Variants in NTM observed in about 807,000 individuals in gnomAD.
NTM encodes neurotrimin.
NTM carries 13 observed loss-of-function variants against 42.1 expected under a neutral mutation model. The observed-to-expected ratio is 0.31, with a 90% CI of 0.20 to 0.49. The LOEUF (loss-of-function observed/expected upper bound fraction) is 0.49, where lower values mean the gene tolerates loss of function less well. Ranked by LOEUF, NTM falls within the 20% of genes least tolerant of loss-of-function variation. The probability of loss-of-function intolerance (pLI) is 0.99; values close to 1 mark genes in which losing one functional copy is unlikely to be tolerated. For synonymous variants in NTM, 187 were observed against 179.2 expected (o/e 1.04, Z -0.35); for missense variants, 373 against 452.8 (o/e 0.82, Z 1.60).
intron 1 of NTM, among the ~76,000 whole-genome samples, chr11:131,552,225 A>C (rs533002690): frequency 1.3e-5 from 2 of 152,324 alleles, no homozygotes; most frequent in South Asian, 4.1e-4. Context: ...AACCCTGCCA[A>C]CATCGAGTGT....
intron 1 of NTM, among the ~76,000 whole-genome samples, chr11:131,514,918 G>T (rs1378338285): frequency 6.6e-6 from 1 of 151,720 alleles, no homozygotes; most frequent in Non-Finnish European, 1.5e-5. Flanking sequence ...CACATAAAGA[G>T]AGAGGGAGAG....
intron 1 of NTM, among the ~76,000 whole-genome samples, chr11:131,518,736 C>T (rs1486913386): frequency 3.9e-5 from 6 of 152,174 alleles, no homozygotes; most frequent in Non-Finnish European, 7.3e-5. Context: ...CCTGCTTTCT[C>T]TATTTTTGTA....
intron 2 of NTM, among the ~76,000 whole-genome samples, chr11:132,055,410 A>G (rs886978423): frequency 1.3e-5 from 2 of 152,164 alleles, no homozygotes; most frequent in Non-Finnish European, 2.9e-5. Flanking sequence ...GCATACTCAA[A>G]TAGTATGAGC....
At chr11:131,650,212 T>A (rs1376928129) in intron 1 of NTM, among the ~76,000 whole-genome samples, 1 of 152,204 alleles carries the variant, frequency 6.6e-6, no homozygotes, top group African/African-American at 2.4e-5. Flanking sequence ...TGCAAGCAAA[T>A]GTTCTTTCTT....
chr11:131,408,976 T>A (rs1174925063), intron 1 of NTM, among the ~76,000 whole-genome samples: 1 of 152,192 alleles, frequency 6.6e-6, no homozygotes, highest in East Asian at 1.9e-4. Flanking sequence ...TCAGGTAGCA[T>A]GTGGCAAGTA....
At chr11:132,267,958 TAGAA>T (rs1419672672) in intron 4 of NTM, among the ~76,000 whole-genome samples, 1 of 151,904 alleles carries the variant, frequency 6.6e-6, no homozygotes, top group Non-Finnish European at 1.5e-5. Flanking sequence ...AATAAACTAA[TAGAA>T]AGAAATGATA....
chr11:131,605,092 G>T (rs1406072667), intron 1 of NTM, among the ~76,000 whole-genome samples: 1 of 149,168 alleles, frequency 6.7e-6, no homozygotes. Context: ...GTCAATTTCT[G>T]CAAAAAAAAA....
At chr11:132,109,825 A>C (rs902546565) in intron 2 of NTM, among the ~76,000 whole-genome samples, 3 of 152,116 alleles carry the variant, frequency 2.0e-5, no homozygotes, top group Non-Finnish European at 4.4e-5. Flanking sequence ...CCCAAAGTCC[A>C]TTGTATCATT....
At chr11:132,128,521 C>A (rs559228289) in intron 2 of NTM, among the ~76,000 whole-genome samples, 2 of 152,016 alleles carry the variant, frequency 1.3e-5, no homozygotes, top group African/African-American at 4.8e-5. Context: ...CTCCTTCATG[C>A]AGAAACAGGA....
intron 1 of NTM, among the ~76,000 whole-genome samples, chr11:131,608,915 A>T (rs1159126288): frequency 1.3e-5 from 2 of 152,176 alleles, no homozygotes; most frequent in Non-Finnish European, 2.9e-5. Flanking sequence ...TGGAAGCTCG[A>T]CCCTATAGGC....
intron 1 of NTM, among the ~76,000 whole-genome samples, chr11:131,469,223 A>G (rs1187925981): frequency 6.6e-6 from 1 of 152,184 alleles, no homozygotes; most frequent in African/African-American, 2.4e-5. Context: ...GGCTCTGTGA[A>G]TGCTTCTGTA....
intron 2 of NTM, among the ~76,000 whole-genome samples, chr11:131,952,547 G>T (rs548547434): frequency 1.3e-5 from 2 of 152,238 alleles, no homozygotes; most frequent in East Asian, 1.9e-4. Flanking sequence ...AGTGGCCTCA[G>T]ATTTTTTCTG....
intron 4 of NTM, among the ~76,000 whole-genome samples, chr11:132,260,904 C>T (rs2092808000): frequency 6.6e-6 from 1 of 152,172 alleles, no homozygotes; most frequent in Non-Finnish European, 1.5e-5. Context: ...CTTGTTTTCT[C>T]CTGAGCACCA....
chr11:131,801,219 A>G (rs1449966943), intron 1 of NTM, among the ~76,000 whole-genome samples: 1 of 152,190 alleles, frequency 6.6e-6, no homozygotes, highest in Non-Finnish European at 1.5e-5. Flanking sequence ...CTGAAGTTCA[A>G]ATTTTAAATG....
At chr11:131,639,504 C>T (rs546156970) in intron 1 of NTM, among the ~76,000 whole-genome samples, 1 of 152,316 alleles carries the variant, frequency 6.6e-6, no homozygotes, top group South Asian at 2.1e-4. Context: ...CCTCGTAGGT[C>T]AGATATAGTT....
intron 1 of NTM, among the ~76,000 whole-genome samples, chr11:131,831,145 G>A (rs2136536654): frequency 6.6e-6 from 1 of 152,088 alleles, no homozygotes; most frequent in East Asian, 1.9e-4. Flanking sequence ...TTTCCTATTT[G>A]GATGCCTTTT....
rs552815845 is a variant in NTM, at chr11:131,588,178, A to G, written c.82+217290A>G. On this transcript the variant is annotated intron_variant, in intron 1 of 8. Transcript: ENST00000683400. Reference sequence around the variant, plus strand: ...TAGCAAATAAAAGGGTTAAGACACAATGAGAGATCTGCTGCAAGCTCACTC... The same window carrying G: ...TAGCAAATAAAAGGGTTAAGACACAGTGAGAGATCTGCTGCAAGCTCACTC... Among the ~76,000 whole-genome samples the G allele has an allele frequency of 2.0e-4, 31 of 152,350 alleles. No homozygotes were observed. In the East Asian group the frequency reaches 5.6e-3, roughly 27 times the overall value.
chr11:132,106,051 T>TA (rs1422087474), intron 2 of NTM, among the ~76,000 whole-genome samples: 34 of 152,192 alleles, frequency 2.2e-4, no homozygotes, highest in African/African-American at 7.7e-4. Flanking sequence ...CCAGGGTGGA[T>TA]ATTGGTCTGT....
At chr11:131,375,471 C>T (rs779969307) in intron 1 of NTM, among the ~76,000 whole-genome samples, 1 of 152,158 alleles carries the variant, frequency 6.6e-6, no homozygotes, top group Non-Finnish European at 1.5e-5. Context: ...TCAAAGGGTA[C>T]CATCCTAGTG....
Sources: allele counts gnomAD v4.1 joint callset (sites outside exome capture counted in the v4.1 genomes callset), GRCh38; gene constraint gnomAD v4.1.1; transcripts MANE v1.5; gene names NCBI Gene and HGNC (gene_info 2026-07-23, HGNC 2026-07-21).